The following PAX6 variants were observed in gnomAD, a reference collection of about 807,000 sequenced individuals.
The protein encoded by PAX6 is paired box 6.
PAX6 carries 7 observed loss-of-function variants against 60.7 expected under a neutral mutation model. The ratio of observed to expected loss-of-function variants is 0.12; its 90% CI spans 0.07 to 0.22. PAX6 has a LOEUF of 0.22. PAX6 is among the 10% of genes least tolerant of loss of function. The probability of loss-of-function intolerance (pLI) is 1.00; values close to 1 mark genes in which losing one functional copy is unlikely to be tolerated. For synonymous variants in PAX6, 208 were observed against 201.2 expected, an observed-to-expected ratio of 1.03 and a Z score of -0.29; for missense variants, 355 against 555.2, an observed-to-expected ratio of 0.64 and a Z score of 3.62.
intron 7 of PAX6, 52 bp from the exon 8 acceptor site, chr11:31,800,908 G>A (rs746290395): frequency 1.3e-6 from 2 of 1,564,490 alleles, no homozygotes; most frequent in Non-Finnish European, 1.8e-6. Flanking sequence ...TGAAGACACA[G>A]TCACCCATCT....
At chr11:31,791,364 T>C (rs1949909782) in intron 12 of PAX6, 1 of 216,430 alleles carries the variant, frequency 4.6e-6, no homozygotes. Flanking sequence ...AAAGATTCTT[T>C]GAAGAAGCAG....
chr11:31,799,702 C>T (rs922835876), intron 8 of PAX6, among the ~76,000 whole-genome samples: 1 of 152,114 alleles, frequency 6.6e-6, no homozygotes, highest in Non-Finnish European at 1.5e-5. Flanking sequence ...CATCCGGAGC[C>T]GGTCCGAGAG....
intron 2 of PAX6, chr11:31,807,391 TC>T (rs931817316): frequency 6.6e-6 from 1 of 152,238 alleles, no homozygotes; most frequent in Admixed American, 6.6e-5. Context: ...ACTCCCTCCT[TC>T]CTTAAGGAAC....
intron 8 of PAX6, among the ~76,000 whole-genome samples, chr11:31,795,762 C>T (rs1191289924): frequency 6.6e-6 from 1 of 152,386 alleles, no homozygotes; most frequent in Middle Eastern, 3.4e-3. Context: ...CTAGCTGGCT[C>T]CCGGCTTGCA....
intron 7 of PAX6, chr11:31,801,085 A>C (rs1565235954): frequency 4.0e-6 from 3 of 744,742 alleles, no homozygotes; most frequent in Non-Finnish European, 4.3e-6. Flanking sequence ...GTCCTTCACC[A>C]TTGCTTGGTG....
exon 1 of PAX6, chr11:31,817,864 C>G (rs969742775): frequency 1.3e-5 from 2 of 152,686 alleles, no homozygotes; most frequent in Non-Finnish European, 2.9e-5. Flanking sequence ...TCCCACACTT[C>G]TCACCGCCGC....
chr11:31,793,529 A>G lies in PAX6; in HGVS notation c.983T>C (p.Met328Thr). ...TPVSSFTSGS[M>T]LGRTDTALTN... ...GAGGGCTGTGTCTGTTCGGCCCAAC[A>G]TGGAGCCAGATGTGAAGGAGGAAAC... is the stretch of plus-strand genomic sequence containing the variant. Residue 328 changes from methionine to threonine, a missense_variant, in exon 12 of 14, where the codon ATG becomes ACG. Around this residue, in one of 5 missense-constraint regions of PAX6, gnomAD observed 149 missense variants for 191.9 expected, o/e 0.78. Transcript: ENST00000640368. 7 of 1,614,262 alleles carry G rather than the reference A, an allele frequency of 4.3e-6. No homozygotes were observed. Among genetic ancestry groups the G allele is most frequent in the Non-Finnish European group, 5.9e-6 (7 of 1,180,050 alleles).
intron 9 of PAX6, 25 bp from the exon 10 acceptor site, chr11:31,794,139 T>C (rs777603588): frequency 2.0e-6 from 3 of 1,502,828 alleles, no homozygotes; most frequent in Non-Finnish European, 1.9e-6. Context: ...TGATTTTCCA[T>C]ATTGTGCCAG....
Position 31,794,704 on chromosome 11 carries a change from C to T in PAX6, c.650G>A (p.Arg217Gln). The T allele has an allele frequency of 6.2e-7, 1 of 1,614,066 alleles. No individual in the cohort carries two copies. Among genetic ancestry groups the T allele is most frequent in the Non-Finnish European group, 8.5e-7 (1 of 1,179,970 alleles). ...NGEDSDEAQM[R>Q]LQLKRKLQRN... is the part of the protein sequence containing the mutation. The stretch of plus-strand genomic sequence containing the variant: ...TTGCAGCTTCCGCTTCAGCTGAAGT[C>T]GCATTTGAGCCTCATCTGAATCTTC... The change falls in exon 9 of 14, where the codon CGA becomes CAA. Residue 217 changes from arginine to glutamine, a missense_variant. This residue lies in a region of PAX6 where 143 missense variants were observed against 183.6 expected (regional missense o/e 0.78). Coordinates refer to ENST00000640368, the MANE Select transcript of PAX6 (RefSeq NM_001368894.2).
At chr11:31,810,758 G>T (rs765566578) in intron 2 of PAX6, 70 bp downstream of exon 2, 11 of 398,334 alleles carry the variant, frequency 2.8e-5, no homozygotes, top group East Asian at 1.1e-4. Context: ...AGGAAGGAAG[G>T]GGGGAGGAAG....
chr11:31,813,216 C>G (rs1001422533), upstream of PAX6: 1 of 152,124 alleles, frequency 6.6e-6, no homozygotes, highest in African/African-American at 2.4e-5. Flanking sequence ...GGTTTCATTT[C>G]GCAGGAGCGC....
Position 31,794,170 on chromosome 11 carries a change from C to T in PAX6, c.725-56G>A. The T allele has an allele frequency of 3.4e-6, 4 of 1,166,640 alleles. No individual in the cohort carries two copies. In the South Asian group the frequency reaches 3.7e-5, roughly 11 times the overall value. 72.3% of individuals were successfully genotyped at this position (1,166,640 alleles called of 1,614,324 possible). On this transcript the variant is annotated intron_variant, in intron 9 of 13. Coordinates refer to ENST00000640368, the MANE Select transcript of PAX6 (RefSeq NM_001368894.2). Reference sequence around the variant, plus strand: ...GCCAGAACTACACAAAATATGTTGACCAAACTGTGCATCAAACTGGTTCCC... The same window carrying T: ...GCCAGAACTACACAAAATATGTTGATCAAACTGTGCATCAAACTGGTTCCC...
rs201690439 is a variant in PAX6, at chr11:31,790,775, G to C, written c.1160C>G (p.Thr387Ser). The C allele has an allele frequency of 6.2e-7, 1 of 1,614,130 alleles. No homozygotes were observed. The highest frequency in any genetic ancestry group is 8.5e-7 in the Non-Finnish European group (1 of 1,180,030). ...SVNGRSYDTY[T>S]PPHMQTHMNS... is the part of the protein sequence containing the mutation. The stretch of plus-strand genomic sequence containing the variant: ...CATGTGTGTCTGCATATGTGGGGGG[G>C]TGTAGGTATCATAACTCCGCCCATT... The change falls in exon 13 of 14, where the codon ACC becomes AGC. Residue 387 changes from threonine to serine, a missense_variant. By Grantham distance (58) the Thr-to-Ser change is moderately conservative. Around this residue, in one of 5 missense-constraint regions of PAX6, gnomAD observed 149 missense variants for 191.9 expected, o/e 0.78. Transcript: ENST00000640368.
At position 31,801,642 on chromosome 11, in the gene PAX6, C is replaced by G; in HGVS notation, c.318G>C (p.Arg106=). 6.2e-7 allele frequency: 1 copy of G among 1,614,102 alleles called. No individual in the cohort carries two copies. Among genetic ancestry groups the G allele is most frequent in the Non-Finnish European group, 8.5e-7 (1 of 1,180,036 alleles). ...CCCAAGCAAAGATGGACGGGCACTC[C>G]CGCTTATACTGGGCTATTTTGCTTA... The part of the protein sequence containing the change: ...EVVSKIAQYK[R]ECPSIFAWEI... Residue 106 remains arginine (R), a synonymous_variant, in exon 7 of 14, where the codon CGG becomes CGC. Transcript: ENST00000640368.
At position 31,806,431 on chromosome 11, in the gene PAX6, C is replaced by T; in HGVS notation, c.-20G>A. 1 of 1,608,662 alleles carries T rather than the reference C, an allele frequency of 6.2e-7. No homozygotes were observed. The highest frequency in any genetic ancestry group is 8.5e-7 in the Non-Finnish European group (1 of 1,177,746). On this transcript the variant is annotated 5_prime_UTR_variant, in exon 4 of 14. Coordinates refer to ENST00000640368, the MANE Select transcript of PAX6 (RefSeq NM_001368894.2). The stretch of plus-strand genomic sequence containing the variant: ...CTGCATGCTGGCTCTGGCTGGGGGC[C>T]GCGGGATTCCACGGGGCTCGAATAT...
intron 8 of PAX6, 57 bp from the exon 9 acceptor site, chr11:31,794,845 A>G (rs1462544285): frequency 3.2e-6 from 5 of 1,548,694 alleles, no homozygotes; most frequent in African/African-American, 1.4e-5. Context: ...GAGCCTCCAA[A>G]AGGGGCCTGG....
intron 3 of PAX6, 154 bp from the exon 4 acceptor site, chr11:31,806,616 C>G: frequency 1.5e-6 from 1 of 647,080 alleles, no homozygotes. Flanking sequence ...GGTCACTCAG[C>G]TCTGCCCTGC....
chr11:31,810,060 CT>C (rs1341356604), intron 2 of PAX6: 2 of 152,426 alleles, frequency 1.3e-5, no homozygotes, highest in Admixed American at 1.3e-4. Flanking sequence ...TGGGTGGAAG[CT>C]GACAGTCCTC....
chr11:31,800,248 G>A (rs1421245090), intron 8 of PAX6, among the ~76,000 whole-genome samples: 1 of 152,084 alleles, frequency 6.6e-6, no homozygotes, highest in Admixed American at 6.5e-5. Flanking sequence ...CTTTTCATGT[G>A]CACCCTACTC....
Sources: gnomAD v4.1 joint callset for allele counts (sites outside exome capture counted in the v4.1 genomes callset) on GRCh38, gnomAD v4.1.1 for gene constraint, gnomAD v4.1.1 regional missense constraint, MANE v1.5 for transcripts, NCBI Gene and HGNC (gene_info 2026-07-23, HGNC 2026-07-21) for gene names.